GRK3: variants seen among roughly 807,000 people sequenced by gnomAD.
GRK3 encodes adrenergic, beta, receptor kinase 2.
Under a neutral mutation model 95.7 loss-of-function variants are expected in GRK3, and 54 were observed. That is an observed-to-expected ratio of 0.56 (90% CI 0.45 to 0.71). The LOEUF is 0.71. GRK3 is among the 30% of genes least tolerant of loss of function. The pLI is 0.00. For synonymous variants in GRK3, 281 were observed against 290.8 expected, an observed-to-expected ratio of 0.97 and a Z score of 0.34; for missense variants, 649 against 851.2, an observed-to-expected ratio of 0.76 and a Z score of 2.96.
chr22:25,653,567 A>G (rs188627028), intron 3 of GRK3, among the ~76,000 whole-genome samples: 4 of 152,386 alleles, frequency 2.6e-5, no homozygotes, highest in Non-Finnish European at 5.9e-5. Context: ...ATATTAACAC[A>G]TAACCTTCTA....
intron 3 of GRK3, among the ~76,000 whole-genome samples, chr22:25,652,946 G>A (rs1440255010): frequency 6.6e-6 from 1 of 152,176 alleles, no homozygotes; most frequent in Non-Finnish European, 1.5e-5. Context: ...GCGTAGGGGT[G>A]TAGTAGGTAT....
chr22:25,607,928 A>G (rs114300165), intron 2 of GRK3, among the ~76,000 whole-genome samples: 1 of 152,256 alleles, frequency 6.6e-6, no homozygotes, highest in African/African-American at 2.4e-5. Context: ...CATTTCCTGT[A>G]AACTGAGACT....
intron 12 of GRK3, 53 bp from the exon 13 acceptor site, chr22:25,695,054 T>G (rs1601532424): frequency 1.5e-6 from 2 of 1,329,022 alleles, no homozygotes; most frequent in East Asian, 4.6e-5. Flanking sequence ...GCGCTGTTAG[T>G]GTTTTCTAAA....
intron 2 of GRK3, among the ~76,000 whole-genome samples, chr22:25,638,859 G>A (rs905524318): frequency 2.2e-4 from 34 of 152,172 alleles, no homozygotes; most frequent in African/African-American, 8.0e-4. Context: ...AGTTGGGGTT[G>A]TCAATATTTA....
intron 10 of GRK3, 132 bp from the exon 11 acceptor site, chr22:25,687,405 A>G (rs1374299124): frequency 3.6e-6 from 3 of 833,722 alleles, no homozygotes; most frequent in African/African-American, 1.7e-5. Context: ...TACAGGAATG[A>G]AACATAGGTA....
At chr22:25,645,225 G>A (rs1267831671) in intron 3 of GRK3, among the ~76,000 whole-genome samples, 1 of 152,132 alleles carries the variant, frequency 6.6e-6, no homozygotes, top group African/African-American at 2.4e-5. Flanking sequence ...GCCTTACAGT[G>A]CCTAGGAAAC....
In GRK3 at chr22:25,687,635, C is replaced by G; in HGVS notation, c.925C>G (p.His309Asp). 6.2e-7 allele frequency: 1 copy of G among 1,614,132 alleles called. No homozygotes were observed. Among genetic ancestry groups the G allele is most frequent in the Non-Finnish European group, 8.5e-7 (1 of 1,180,006 alleles). Reference sequence around the variant, plus strand: ...AATCATTCTGGGTCTGGAACACATGCACAATCGGTTTGTTGTCTACAGAGA... The same window carrying G: ...AATCATTCTGGGTCTGGAACACATGGACAATCGGTTTGTTGTCTACAGAGA... ...TEIILGLEHM[H>D]NRFVVYRDLK... The change falls in exon 11 of 21, where the codon CAC (histidine) becomes GAC (aspartate). Residue 309 changes from histidine to aspartate, a missense_variant. His to Asp is a moderately conservative substitution (Grantham distance 81). This residue lies in a region of GRK3 where 382 missense variants were observed against 493.8 expected (regional missense o/e 0.77). Transcript: ENST00000324198.
At chr22:25,648,606 C>T (rs1005834597) in intron 3 of GRK3, 2 of 1,167,922 alleles carry the variant, frequency 1.7e-6, no homozygotes, top group Non-Finnish European at 2.6e-6. Flanking sequence ...ACTTGTTCCA[C>T]TATATGCTGT....
At chr22:25,600,533 A>G (rs908041732) in intron 1 of GRK3, among the ~76,000 whole-genome samples, 1 of 152,234 alleles carries the variant, frequency 6.6e-6, no homozygotes, top group Non-Finnish European at 1.5e-5. Context: ...AACAGTAAAA[A>G]TACAAATAAA....
At chr22:25,589,958 A>G (rs1486149119) in intron 1 of GRK3, among the ~76,000 whole-genome samples, 1 of 152,218 alleles carries the variant, frequency 6.6e-6, no homozygotes, top group African/African-American at 2.4e-5. Context: ...TCATGAAAAC[A>G]GCATGGGAAA....
At chr22:25,610,662 C>G (rs1362317619) in intron 2 of GRK3, among the ~76,000 whole-genome samples, 1 of 152,198 alleles carries the variant, frequency 6.6e-6, no homozygotes, top group African/African-American at 2.4e-5. Flanking sequence ...CAGACAAACA[C>G]TCATCTGTCT....
chr22:25,629,382 G>T (rs1302772848), intron 2 of GRK3, among the ~76,000 whole-genome samples: 1 of 152,180 alleles, frequency 6.6e-6, no homozygotes, highest in Admixed American at 6.5e-5. Flanking sequence ...CAGGATTTAC[G>T]GTAAATAGGT....
chr22:25,642,076 A>G (rs112498987), intron 2 of GRK3, among the ~76,000 whole-genome samples: 25 of 152,390 alleles, frequency 1.6e-4, no homozygotes, highest in African/African-American at 5.5e-4. Flanking sequence ...ACATTGAAAA[A>G]AGATGAACAA....
intron 1 of GRK3, among the ~76,000 whole-genome samples, chr22:25,584,925 C>T (rs1329428458): frequency 6.6e-6 from 1 of 152,280 alleles, no homozygotes; most frequent in African/African-American, 2.4e-5. Flanking sequence ...ATGGCCCCCA[C>T]GTCCAGGCCA....
chr22:25,725,867 T>C lies in GRK3; in HGVS notation c.*3417T>C. 3.3e-6 allele frequency: 1 copy of C among 302,286 alleles called. No homozygotes were observed. The highest frequency in any genetic ancestry group is 6.0e-6 in the Non-Finnish European group (1 of 165,784). 18.7% of individuals were successfully genotyped at this position (302,286 alleles called of 1,614,324 possible). On this transcript the variant is annotated 3_prime_UTR_variant, in exon 21 of 21. Coordinates refer to ENST00000324198, the MANE Select transcript of GRK3 (RefSeq NM_005160.4). Reference sequence around the variant, plus strand: ...GGGAGGCTGAGGCAGGAGAATGGCATGAACCCGGGAGGCAGAGCTTGCAGT... The same window carrying C: ...GGGAGGCTGAGGCAGGAGAATGGCACGAACCCGGGAGGCAGAGCTTGCAGT...
intron 2 of GRK3, among the ~76,000 whole-genome samples, chr22:25,634,598 G>A (rs2084686847): frequency 6.6e-6 from 1 of 152,104 alleles, no homozygotes; most frequent in Non-Finnish European, 1.5e-5. Flanking sequence ...TTAATTATAA[G>A]GGAGCTTATT....
intron 3 of GRK3, among the ~76,000 whole-genome samples, chr22:25,651,654 A>T (rs767019741): frequency 2.6e-5 from 4 of 152,238 alleles, no homozygotes; most frequent in Non-Finnish European, 5.9e-5. Context: ...AAATTATGTT[A>T]TGTACTAAAT....
chr22:25,627,508 C>G (rs2084636422), intron 2 of GRK3, among the ~76,000 whole-genome samples: 2 of 152,222 alleles, frequency 1.3e-5, no homozygotes. Flanking sequence ...TCTCCTGACT[C>G]TATAGCCCGT....
chr22:25,681,744 G>A lies in GRK3; in HGVS notation c.747+2829G>A, dbSNP rs528111363. Reference sequence around the variant, plus strand: ...TTTTATCACAGTTTTTTTATGGCGAGTTCCTGCAAAATGTAAGCTATTTTG... The same window carrying A: ...TTTTATCACAGTTTTTTTATGGCGAATTCCTGCAAAATGTAAGCTATTTTG... On this transcript the variant is annotated intron_variant, in intron 9 of 20. Coordinates refer to ENST00000324198, the MANE Select transcript of GRK3 (RefSeq NM_005160.4). 1.1e-3 allele frequency among the ~76,000 whole-genome samples: 169 copies of A among 152,278 alleles called. 3 individuals are homozygous for A. In the Middle Eastern group the frequency reaches 0.014, roughly 12 times the overall value.
Sources: allele counts gnomAD v4.1 joint callset (sites outside exome capture counted in the v4.1 genomes callset), GRCh38; gene constraint gnomAD v4.1.1; regional missense constraint gnomAD v4.1.1; transcripts MANE v1.5; gene names NCBI Gene and HGNC (gene_info 2026-07-23, HGNC 2026-07-21).